CD96: variants seen among roughly 807,000 people sequenced by gnomAD.
CD96 encodes the protein CD96 molecule.
A neutral mutation model predicts 71.3 loss-of-function variants in CD96; 70 were observed. The ratio of observed to expected loss-of-function variants is 0.98; its 90% CI spans 0.81 to 1.20. The LOEUF (loss-of-function observed/expected upper bound fraction) is 1.20. Among genes scored for constraint, CD96 ranks in the 50% most tolerant of loss-of-function variants. The pLI is 0.00. For synonymous variants in CD96, 248 were observed against 233.0 expected, an observed-to-expected ratio of 1.06 and a Z score of -0.59; for missense variants, 742 against 677.5, an observed-to-expected ratio of 1.10 and a Z score of -1.06.
At chr3:111,629,040 T>C (rs947128170) in intron 10 of CD96, among the ~76,000 whole-genome samples, 4 of 152,094 alleles carry the variant, frequency 2.6e-5, no homozygotes, top group African/African-American at 9.7e-5. Context: ...GAAAGACCAT[T>C]ACCTGCCACT....
At chr3:111,574,073 T>C (rs1374296196) in intron 3 of CD96, among the ~76,000 whole-genome samples, 1 of 151,996 alleles carries the variant, frequency 6.6e-6, no homozygotes, top group African/African-American at 2.4e-5. Flanking sequence ...AAGAAACAGT[T>C]TGGAGAAAAA....
rs139003442 is a variant in CD96, at chr3:111,628,344, T to C, written c.1321+3940T>C. On this transcript the variant is annotated intron_variant, in intron 10 of 13. Transcript: ENST00000352690. The stretch of plus-strand genomic sequence containing the variant: ...ACAGAGAGGAACATAACCAATCTGA[T>C]AGAGCTGAAAAACACACTACAAAAA... Among the ~76,000 whole-genome samples, 1,147 of 152,326 alleles carry C rather than the reference T, an allele frequency of 7.5e-3. 17 individuals are homozygous for C. Among genetic ancestry groups the C allele is most frequent in the African/African-American group, 0.026 (1,087 of 41,570 alleles).
rs1936671623 is a variant in CD96, at chr3:111,585,521, G to T, written c.807+143G>T. 7.8e-6 allele frequency: 5 copies of T among 640,880 alleles called. No individual in the cohort carries two copies. The East Asian group carries it at 1.2e-4, about 15-fold the overall frequency. 39.7% of individuals were successfully genotyped at this position (640,880 alleles called of 1,614,324 possible). ...CTGCTAATAGGGATGAAGGGAAGCT[G>T]GGTTGTTTCTAGAAAGTGAATGGGA... On this transcript the variant is annotated intron_variant, in intron 5 of 13. Transcript: ENST00000352690.
chr3:111,654,032 A>G (rs1276694042), downstream of CD96, among the ~76,000 whole-genome samples: 1 of 152,236 alleles, frequency 6.6e-6, no homozygotes, highest in African/African-American at 2.4e-5. Context: ...GAGGCTCTGA[A>G]CAGGGGAAGA....
chr3:111,556,102 C>G (rs1935009403), intron 2 of CD96, among the ~76,000 whole-genome samples: 1 of 152,290 alleles, frequency 6.6e-6, no homozygotes, highest in Admixed American at 6.5e-5. Flanking sequence ...CTAAAATATA[C>G]ATTTGCTTCA....
intron 1 of CD96, among the ~76,000 whole-genome samples, chr3:111,543,309 T>C (rs1934204443): frequency 1.3e-5 from 2 of 152,206 alleles, no homozygotes; most frequent in Admixed American, 6.5e-5. Context: ...GCCAACACTA[T>C]TGAAGGCATG....
intron 7 of CD96, among the ~76,000 whole-genome samples, chr3:111,606,121 A>ACACG (rs1322863802): frequency 6.6e-6 from 1 of 152,176 alleles, no homozygotes; most frequent in South Asian, 2.1e-4. Context: ...CAACACAGAC[A>ACACG]CACGCACGCA....
chr3:111,542,713 T>A (rs1289243490), intron 1 of CD96, among the ~76,000 whole-genome samples: 1 of 152,214 alleles, frequency 6.6e-6, no homozygotes, highest in African/African-American at 2.4e-5. Context: ...TTTTTCTCTC[T>A]CAAGTACTCT....
intron 13 of CD96, among the ~76,000 whole-genome samples, chr3:111,648,455 T>C (rs1939935347): frequency 6.6e-6 from 1 of 152,176 alleles, no homozygotes; most frequent in Non-Finnish European, 1.5e-5. Flanking sequence ...AAACCAGTAG[T>C]TAGAAATTCT....
intron 5 of CD96, chr3:111,593,391 T>G (rs1364108391): frequency 1.1e-6 from 1 of 936,506 alleles, no homozygotes; most frequent in Admixed American, 3.3e-5. Flanking sequence ...TTTGGTCAAT[T>G]CAGACCTGCT....
At chr3:111,546,179 T>C (rs946338187) in intron 2 of CD96, among the ~76,000 whole-genome samples, 3 of 151,978 alleles carry the variant, frequency 2.0e-5, no homozygotes, top group Non-Finnish European at 2.9e-5. Flanking sequence ...GATATGATCA[T>C]AGAGAGAATA....
intron 4 of CD96, among the ~76,000 whole-genome samples, chr3:111,580,698 C>G (rs934906304): frequency 3.9e-5 from 6 of 152,292 alleles, no homozygotes; most frequent in African/African-American, 1.4e-4. Flanking sequence ...TCCCCCTTCT[C>G]TTTCTCTTCA....
At chr3:111,626,306 C>CAAAAAAAAAA (rs71131971) in intron 10 of CD96, among the ~76,000 whole-genome samples, 3 of 74,706 alleles carry the variant, frequency 4.0e-5, no homozygotes, top group Non-Finnish European at 7.0e-5. Flanking sequence ...GACTCCGTCT[C>CAAAAAAAAAA]AAAAAAAAAA....
chr3:111,593,709 T>C (rs1034005819), intron 5 of CD96: 1 of 1,614,010 alleles, frequency 6.2e-7, no homozygotes, highest in African/African-American at 1.3e-5. Context: ...TCCACTGCCC[T>C]TTCCCTCCTA....
chr3:111,594,181 C>G, intron 5 of CD96: 1 of 1,598,354 alleles, frequency 6.3e-7, no homozygotes, highest in Non-Finnish European at 8.5e-7. Context: ...CCTCCTCTTC[C>G]TCGTCTTCCC....
intron 7 of CD96, among the ~76,000 whole-genome samples, chr3:111,602,636 T>C (rs761979793): frequency 6.6e-6 from 1 of 152,216 alleles, no homozygotes; most frequent in Non-Finnish European, 1.5e-5. Context: ...GTCTCCCTAT[T>C]GTTGCAAGCT....
chr3:111,618,137 C>T (rs1214995322), intron 8 of CD96, among the ~76,000 whole-genome samples: 4 of 152,342 alleles, frequency 2.6e-5, no homozygotes, highest in African/African-American at 9.6e-5. Context: ...CTCGTTCACA[C>T]ACCCCTTGCT....
At position 111,589,151 on chromosome 3, in the gene CD96, C is replaced by T. The variant is rs564144564; in HGVS notation, c.807+3773C>T. 1.1e-3 allele frequency among the ~76,000 whole-genome samples: 174 copies of T among 151,924 alleles called. 1 individual carries two copies. Among genetic ancestry groups the T allele is most frequent in the African/African-American group, 3.9e-3 (163 of 41,466 alleles). On this transcript the variant is annotated intron_variant, in intron 5 of 13. Coordinates refer to ENST00000352690, the MANE Select transcript of CD96 (RefSeq NM_005816.5). ...ATTTTTAGTAGAGATGGGGTTTCAC[C>T]GTGTTAGCCAGGGTGGTCTCAATGC...
chr3:111,627,206 G>A (rs1938813909), intron 10 of CD96, among the ~76,000 whole-genome samples: 1 of 152,216 alleles, frequency 6.6e-6, no homozygotes, highest in Non-Finnish European at 1.5e-5. Context: ...CCCACCAGCT[G>A]TATTCTATGG....
Sources: allele counts gnomAD v4.1 joint callset (sites outside exome capture counted in the v4.1 genomes callset), GRCh38; gene constraint gnomAD v4.1.1; transcripts MANE v1.5; gene names NCBI Gene and HGNC (gene_info 2026-07-23, HGNC 2026-07-21).